Variants in HECW2 observed in about 807,000 individuals in gnomAD.
HECW2 encodes E3 ubiquitin-protein ligase HECW2.
In HECW2, 61 loss-of-function variants were observed where a neutral mutation model predicts 175.2. The ratio of observed to expected loss-of-function variants is 0.35; its 90% CI spans 0.28 to 0.43. The LOEUF (loss-of-function observed/expected upper bound fraction) is 0.43, where lower values mean the gene tolerates loss of function less well. Ranked by LOEUF, HECW2 falls within the 20% of genes least tolerant of loss-of-function variation. The probability of loss-of-function intolerance (pLI) is 1.00; values close to 1 mark genes in which losing one functional copy is unlikely to be tolerated. For synonymous variants in HECW2, 671 were observed against 731.0 expected (o/e 0.92, Z 1.32); for missense variants, 1,524 against 2,000.5 (o/e 0.76, Z 4.54).
chr2:196,319,105 G>C lies in HECW2; in HGVS notation c.1785C>G (p.Val595=), dbSNP rs1321085141. ...SDASGGSRRA[V]SETESLDQGS... ...CCTGATCGAGAGACTCGGTCTCACT[G>C]ACGGCTCTTCGGCTTCCTCCTGATG... The change falls in exon 9 of 29, where the codon GTC becomes GTG. Residue 595 remains valine (V), a synonymous_variant. Transcript: ENST00000644978. The C allele has an allele frequency of 6.3e-7, 1 of 1,597,598 alleles. No homozygotes were observed. Among genetic ancestry groups the C allele is most frequent in the Non-Finnish European group, 8.5e-7 (1 of 1,172,122 alleles).
chr2:196,339,542 G>T (rs1179395689), intron 3 of HECW2, among the ~76,000 whole-genome samples: 1 of 152,148 alleles, frequency 6.6e-6, no homozygotes, highest in African/African-American at 2.4e-5. Context: ...TGAGCACCTA[G>T]AATAAGACCC....
chr2:196,406,435 T>C (rs1450925291), intron 2 of HECW2, among the ~76,000 whole-genome samples: 1 of 152,222 alleles, frequency 6.6e-6, no homozygotes, highest in Admixed American at 6.5e-5. Context: ...AACTTTTCTA[T>C]TATTAGCCCA....
intron 1 of HECW2, among the ~76,000 whole-genome samples, chr2:196,528,514 G>A (rs1688743812): frequency 6.6e-6 from 1 of 152,100 alleles, no homozygotes; most frequent in African/African-American, 2.4e-5. Context: ...GAGAATCAGG[G>A]GCAGAAACAC....
intron 2 of HECW2, among the ~76,000 whole-genome samples, chr2:196,397,672 C>T (rs1393659346): frequency 6.6e-6 from 1 of 152,168 alleles, no homozygotes; most frequent in Non-Finnish European, 1.5e-5. Flanking sequence ...TTGAAAATGG[C>T]CAAGGCATGT....
intron 1 of HECW2, among the ~76,000 whole-genome samples, chr2:196,435,015 C>T (rs11678751): frequency 0.95 from 144,021 of 152,336 alleles, 68,207 homozygotes; most frequent in East Asian, 1. Context: ...AGGACATGCT[C>T]CTGTGCTAGG....
chr2:196,521,304 A>AAAAAAAAAAAAAG (rs1553531650), intron 1 of HECW2, among the ~76,000 whole-genome samples: 1 of 148,172 alleles, frequency 6.7e-6, no homozygotes, highest in African/African-American at 2.5e-5. Context: ...AAAAAAAAAA[A>AAAAAAAAAAAAAG]AAAGAAAGAA....
intron 14 of HECW2, chr2:196,291,752 T>C (rs929549820): frequency 2.0e-5 from 3 of 152,240 alleles, no homozygotes; most frequent in African/African-American, 4.8e-5. Context: ...ATTCTGCACA[T>C]GGAGCTGCTT....
chr2:196,489,048 C>T (rs566130544), intron 1 of HECW2, among the ~76,000 whole-genome samples: 3 of 152,154 alleles, frequency 2.0e-5, no homozygotes, highest in African/African-American at 4.8e-5. Context: ...GGGAGTAACA[C>T]GAATAGAGTT....
chr2:196,483,179 T>C (rs567452436), intron 1 of HECW2, among the ~76,000 whole-genome samples: 9 of 151,552 alleles, frequency 5.9e-5, no homozygotes, highest in African/African-American at 1.9e-4. Flanking sequence ...CATAGACAAC[T>C]TGACAAGCAT....
intron 1 of HECW2, among the ~76,000 whole-genome samples, chr2:196,544,963 G>T (rs1689362755): frequency 6.6e-6 from 1 of 152,164 alleles, no homozygotes; most frequent in African/African-American, 2.4e-5. Flanking sequence ...ATTCTGAGTA[G>T]ACCCCTCTCA....
intron 28 of HECW2, among the ~76,000 whole-genome samples, chr2:196,209,647 C>T (rs888567187): frequency 3.3e-5 from 5 of 152,062 alleles, no homozygotes; most frequent in Admixed American, 2.6e-4. Flanking sequence ...CATCAGCAGG[C>T]GGTAGGGAAT....
intron 1 of HECW2, among the ~76,000 whole-genome samples, chr2:196,542,432 G>A (rs1689256188): frequency 6.6e-6 from 1 of 151,946 alleles, no homozygotes; most frequent in Non-Finnish European, 1.5e-5. Flanking sequence ...AATAAGCAGT[G>A]GTTAAAACTC....
chr2:196,539,883 T>C (rs1417980066), intron 1 of HECW2, among the ~76,000 whole-genome samples: 4 of 152,192 alleles, frequency 2.6e-5, no homozygotes, highest in Non-Finnish European at 5.9e-5. Flanking sequence ...ATGTGGTACA[T>C]GAATATGCCT....
chr2:196,423,953 T>C (rs1695473971), intron 2 of HECW2, among the ~76,000 whole-genome samples: 1 of 151,936 alleles, frequency 6.6e-6, no homozygotes, highest in Non-Finnish European at 1.5e-5. Context: ...CTTTGCTTTA[T>C]TGCACTTCAC....
chr2:196,355,717 G>A (rs1301995964), intron 2 of HECW2, among the ~76,000 whole-genome samples: 2 of 152,148 alleles, frequency 1.3e-5, no homozygotes, highest in African/African-American at 4.8e-5. Context: ...TAAGTGACAG[G>A]GATTTGGGTA....
intron 1 of HECW2, among the ~76,000 whole-genome samples, chr2:196,471,039 C>G (rs1235890733): frequency 1.3e-5 from 2 of 151,196 alleles, no homozygotes; most frequent in African/African-American, 4.9e-5. Context: ...CTGACAATAC[C>G]AAGTGTAAAC....
intron 1 of HECW2, among the ~76,000 whole-genome samples, chr2:196,446,352 C>A (rs1267110198): frequency 6.6e-6 from 1 of 152,172 alleles, no homozygotes. Context: ...ACTACCTACC[C>A]CCTTTTCCTG....
intron 28 of HECW2, among the ~76,000 whole-genome samples, chr2:196,203,080 A>G (rs1008576955): frequency 5.3e-5 from 8 of 152,108 alleles, no homozygotes; most frequent in Admixed American, 2.0e-4. Flanking sequence ...TTGGCACTCA[A>G]AAAGTTTTGG....
In HECW2 at chr2:196,303,916, T is replaced by G. The variant is rs567863946; in HGVS notation, c.2814+2572A>C. On this transcript the variant is annotated intron_variant, in intron 13 of 28. Transcript: ENST00000644978. ...TCTGTCTTCAAAATATATCCAATAT[T>G]CATCCATTTGTCACCGTCTCTACTG... Among the ~76,000 whole-genome samples the G allele has an allele frequency of 4.7e-3, 720 of 152,336 alleles. 3 individuals are homozygous for G. Among genetic ancestry groups the G allele is most frequent in the Non-Finnish European group, 7.9e-3 (535 of 68,022 alleles).
Sources: gnomAD v4.1 joint callset for allele counts (sites outside exome capture counted in the v4.1 genomes callset) on GRCh38, gnomAD v4.1.1 for gene constraint, MANE v1.5 for transcripts, NCBI Gene and HGNC (gene_info 2026-07-23, HGNC 2026-07-21) for gene names.